C8B: variants seen among roughly 807,000 people sequenced by gnomAD.
C8B encodes complement component C8 beta chain.
A neutral mutation model predicts 64.6 loss-of-function variants in C8B; 67 were observed. That is an observed-to-expected ratio of 1.04 (90% CI 0.85 to 1.27). The LOEUF (loss-of-function observed/expected upper bound fraction) is 1.27. Ranked by LOEUF, C8B falls within the 50% of genes most tolerant of loss-of-function variation. C8B has a pLI of 0.00. For missense variants in C8B, 790 were observed against 725.2 expected (o/e 1.09, Z -1.03); for synonymous variants, 284 against 257.7 (o/e 1.10, Z -0.98).
chr1:56,945,053 G>A (rs1303224119), intron 7 of C8B, among the ~76,000 whole-genome samples: 1 of 152,204 alleles, frequency 6.6e-6, no homozygotes, highest in African/African-American at 2.4e-5. Flanking sequence ...CTGAGACCTT[G>A]CTATGTAAAG....
Position 56,960,103 on chromosome 1 carries a change from C to T in C8B, c.166G>A (p.Val56Met), listed in dbSNP as rs1402553627. The T allele has an allele frequency of 6.2e-7, 1 of 1,614,172 alleles. No homozygotes were observed. The highest frequency in any genetic ancestry group is 1.7e-5 in the Admixed American group (1 of 60,014). ...SFAKSRQMRSVDVTLMPIDCE... is the reference protein window; with the variant it reads ...SFAKSRQMRSMDVTLMPIDCE... ...TCAATGGGCATCAGGGTAACATCCA[C>T]ACTCCGCATCTGTCTGCTCTTAGCA... Residue 56 changes from valine (V) to methionine (M), a missense_variant, in exon 2 of 12, where the codon GTG becomes ATG. Transcript: ENST00000371237.
intron 1 of C8B, among the ~76,000 whole-genome samples, chr1:56,962,675 C>T (rs1645194944): frequency 6.6e-6 from 1 of 152,212 alleles, no homozygotes; most frequent in Non-Finnish European, 1.5e-5. Flanking sequence ...GGTACACTTG[C>T]TTCAAGTCTT....
intron 5 of C8B, among the ~76,000 whole-genome samples, chr1:56,950,448 G>C (rs1417244405): frequency 6.6e-6 from 1 of 152,230 alleles, no homozygotes; most frequent in African/African-American, 2.4e-5. Context: ...TAAAACCAGT[G>C]TTCATGGCAC....
intron 5 of C8B, among the ~76,000 whole-genome samples, chr1:56,951,803 C>T (rs926314114): frequency 6.6e-6 from 1 of 152,212 alleles, no homozygotes; most frequent in Non-Finnish European, 1.5e-5. Context: ...AGCTTTATTT[C>T]TATCTTCAAG....
intron 5 of C8B, among the ~76,000 whole-genome samples, chr1:56,951,660 C>T (rs988328272): frequency 2.0e-5 from 3 of 152,202 alleles, no homozygotes; most frequent in Admixed American, 1.3e-4. Context: ...CACATTATCT[C>T]ACTAATCCTC....
intron 10 of C8B, among the ~76,000 whole-genome samples, chr1:56,932,656 C>T (rs1021723048): frequency 6.6e-6 from 1 of 152,194 alleles, no homozygotes; most frequent in Admixed American, 6.5e-5. Context: ...TGTCTATCCT[C>T]TCCAAGGAGC....
intron 4 of C8B, among the ~76,000 whole-genome samples, chr1:56,953,511 A>T (rs1237008791): frequency 6.6e-6 from 1 of 152,200 alleles, no homozygotes; most frequent in African/African-American, 2.4e-5. Context: ...ACTAACCCAG[A>T]GTCTCCCTGC....
intron 11 of C8B, among the ~76,000 whole-genome samples, chr1:56,931,134 G>A (rs887929730): frequency 2.6e-5 from 4 of 152,172 alleles, no homozygotes; most frequent in Non-Finnish European, 5.9e-5. Flanking sequence ...CCAAAAAGTC[G>A]CTGAAAGGAA....
chr1:56,938,301 C>T (rs1218785088), intron 9 of C8B, among the ~76,000 whole-genome samples: 3 of 152,180 alleles, frequency 2.0e-5, no homozygotes, highest in African/African-American at 7.2e-5. Context: ...CAATTTTCTG[C>T]AATGTCAATT....
intron 2 of C8B, 106 bp from the exon 3 acceptor site, chr1:56,957,016 G>T (rs952404894): frequency 8.3e-7 from 1 of 1,203,446 alleles, no homozygotes. Context: ...GGCTTCACAA[G>T]AGCACTGAAA....
chr1:56,960,031 G>C lies in C8B; in HGVS notation c.238C>G (p.Gln80Glu), dbSNP rs1410832900. Residue 80 changes from glutamine to glutamate, a missense_variant, in exon 2 of 12, where the codon CAG (glutamine) becomes GAG (glutamate). Physicochemically the swap from Gln to Glu is conservative, Grantham distance 29. Coordinates refer to ENST00000371237, the MANE Select transcript of C8B (RefSeq NM_000066.4). ...WSSWTTCDPCQKKRYRYAYLL... is the reference protein window; with the variant it reads ...WSSWTTCDPCEKKRYRYAYLL... ...GCCTGGTTGCTTACCCTTTTCTTCT[G>C]ACAGGGGTCACATGTGGTCCAAGAG... The C allele has an allele frequency of 1.9e-6, 3 of 1,614,144 alleles. No individual in the cohort carries two copies. The highest frequency in any genetic ancestry group is 2.5e-6 in the Non-Finnish European group (3 of 1,180,014).
chr1:56,965,941 T>A lies in C8B; in HGVS notation c.8A>T (p.Asn3Ile). ...CGCCCTCCAAGCCCATGTCCTGGAA[T>A]TCTTCATTTTCCCAATGTGACAGGA... MKNSRTWAWRAPV... is the reference protein window; with the variant it reads MKISRTWAWRAPV... The change falls in exon 1 of 12, where the codon AAT (asparagine) becomes ATT (isoleucine). Residue 3 changes from asparagine (N) to isoleucine (I), a missense_variant. Coordinates refer to ENST00000371237, the MANE Select transcript of C8B (RefSeq NM_000066.4). 1 of 1,613,786 alleles carries A rather than the reference T, an allele frequency of 6.2e-7. No individual in the cohort carries two copies. The highest frequency in any genetic ancestry group is 8.5e-7 in the Non-Finnish European group (1 of 1,179,978).
chr1:56,951,998 A>T, intron 5 of C8B, 50 bp downstream of exon 5: 5 of 1,531,718 alleles, frequency 3.3e-6, no homozygotes, highest in Non-Finnish European at 3.6e-6. Context: ...GACCCTGCTA[A>T]CTGGGTGCTC....
chr1:56,949,167 T>A (rs897116444), intron 6 of C8B, among the ~76,000 whole-genome samples: 1 of 152,158 alleles, frequency 6.6e-6, no homozygotes, highest in Non-Finnish European at 1.5e-5. Flanking sequence ...GAAATTTAAT[T>A]GCCATTGTAA....
In C8B at chr1:56,949,396, T is replaced by G. The variant is rs1354865521; in HGVS notation, c.864+159A>C. 2.0e-5 allele frequency among the ~76,000 whole-genome samples: 3 copies of G among 152,208 alleles called. No individual in the cohort carries two copies. The East Asian group carries it at 5.8e-4, about 29-fold the overall frequency. ...TATGATGCAGCAAGAAGGCCCTCAC[T>G]ATATGTGGCACCTTGATCTTGGACT... On this transcript the variant is annotated intron_variant, in intron 6 of 11. Coordinates refer to ENST00000371237, the MANE Select transcript of C8B (RefSeq NM_000066.4).
intron 10 of C8B, 91 bp from the exon 11 acceptor site, chr1:56,931,969 G>C (rs115631390): frequency 2.3e-6 from 2 of 881,208 alleles, no homozygotes; most frequent in African/African-American, 1.6e-5. Flanking sequence ...AGTTCCATCA[G>C]GTTAAAACAG....
chr1:56,947,727 C>T (rs768197290), intron 6 of C8B, among the ~76,000 whole-genome samples: 2 of 152,106 alleles, frequency 1.3e-5, no homozygotes, highest in Non-Finnish European at 2.9e-5. Context: ...GTCAGTAGAT[C>T]AAGATCATCC....
At chr1:56,948,165 G>A (rs1644970656) in intron 6 of C8B, among the ~76,000 whole-genome samples, 1 of 152,108 alleles carries the variant, frequency 6.6e-6, no homozygotes, top group South Asian at 2.1e-4. Context: ...AGGAAATGGG[G>A]AGGGAGTAAG....
At position 56,952,157 on chromosome 1, in the gene C8B, A is replaced by G; in HGVS notation, c.557T>C (p.Phe186Ser). Residue 186 changes from phenylalanine to serine, a missense_variant, in exon 5 of 12, where the codon TTT becomes TCT. Coordinates refer to ENST00000371237, the MANE Select transcript of C8B (RefSeq NM_000066.4). ...CCTGTGATCAAGAACTGGGCCCTCA[A>G]AACTGTTTGTGAACAAATTTATCCT... is the stretch of plus-strand genomic sequence containing the variant. ...ASGINLFTNS[F>S]EGPVLDHRYY... The G allele has an allele frequency of 6.2e-7, 1 of 1,614,200 alleles. No individual in the cohort carries two copies. Among genetic ancestry groups the G allele is most frequent in the East Asian group, 2.2e-5 (1 of 44,884 alleles).
Sources: gnomAD v4.1 joint callset for allele counts (sites outside exome capture counted in the v4.1 genomes callset) on GRCh38, gnomAD v4.1.1 for gene constraint, MANE v1.5 for transcripts, NCBI Gene and HGNC (gene_info 2026-07-23, HGNC 2026-07-21) for gene names.